CFAP61: variants seen among roughly 807,000 people sequenced by gnomAD.
CFAP61 encodes cilia and flagella associated protein 61.
In CFAP61, 107 loss-of-function variants were observed where a neutral mutation model predicts 135.6. The observed-to-expected ratio is 0.79, with a 90% confidence interval of 0.67 to 0.93. The LOEUF (loss-of-function observed/expected upper bound fraction) is 0.93. CFAP61 is among the 40% of genes least tolerant of loss of function. The pLI is 0.00. For synonymous variants in CFAP61, 575 were observed against 578.5 expected (o/e 0.99, Z 0.09); for missense variants, 1,507 against 1,556.2 (o/e 0.97, Z 0.53).
chr20:20,258,355 T>C (rs1377502139), intron 20 of CFAP61: 3 of 152,154 alleles, frequency 2.0e-5, no homozygotes, highest in African/African-American at 7.2e-5. Context: ...ACTTTTTACC[T>C]GCCGAACATG....
rs201162225 is a variant in CFAP61, at chr20:20,074,829, A to G, written c.372-360A>G. On this transcript the variant is annotated intron_variant, in intron 4 of 26. Transcript: ENST00000245957. ...TGACAGCCTCTGACAGCCTGCACAGACATTTGGGGGTGGTGGTCACAGCTT... is the reference window on the plus strand; with the variant it reads ...TGACAGCCTCTGACAGCCTGCACAGGCATTTGGGGGTGGTGGTCACAGCTT... 2.5e-4 allele frequency among the ~76,000 whole-genome samples: 38 copies of G among 152,272 alleles called. No individual in the cohort carries two copies. In the East Asian group the frequency reaches 6.5e-3, roughly 26 times the overall value.
chr20:20,321,455 C>A (rs2057506944), intron 25 of CFAP61, among the ~76,000 whole-genome samples: 1 of 152,108 alleles, frequency 6.6e-6, no homozygotes, highest in African/African-American at 2.4e-5. Flanking sequence ...ACTCTGGTTG[C>A]AAGAAACAGA....
chr20:20,177,273 C>T (rs1230924225), intron 13 of CFAP61, among the ~76,000 whole-genome samples: 1 of 151,718 alleles, frequency 6.6e-6, no homozygotes, highest in African/African-American at 2.4e-5. Flanking sequence ...TTTTGCATTT[C>T]AAAATTTAGG....
chr20:20,110,702 C>T (rs182372232), intron 8 of CFAP61, among the ~76,000 whole-genome samples: 407 of 152,238 alleles, frequency 2.7e-3, no homozygotes, highest in Admixed American at 5.0e-3. Context: ...TGGCTGTTTC[C>T]TGGAGCGCAG....
intron 8 of CFAP61, among the ~76,000 whole-genome samples, chr20:20,128,319 G>A (rs1373066426): frequency 6.6e-6 from 1 of 151,720 alleles, no homozygotes; most frequent in Admixed American, 6.6e-5. Context: ...TGCCAGGCAG[G>A]AATGGCCTGC....
chr20:20,071,101 T>C (rs761578625), intron 3 of CFAP61, 97 bp downstream of exon 3: 138 of 1,228,612 alleles, frequency 1.1e-4, no homozygotes, highest in Admixed American at 4.2e-4. Flanking sequence ...TACTGAGCAG[T>C]ATATGACATC....
intron 18 of CFAP61, among the ~76,000 whole-genome samples, chr20:20,239,248 G>A (rs1198745571): frequency 6.6e-6 from 1 of 152,156 alleles, no homozygotes; most frequent in Non-Finnish European, 1.5e-5. Context: ...CTCTTACATA[G>A]TTATAGATTT....
chr20:20,228,113 G>T (rs2048872052), intron 17 of CFAP61, 136 bp from the exon 18 acceptor site: 1 of 595,744 alleles, frequency 1.7e-6, no homozygotes, highest in Non-Finnish European at 2.8e-6. Context: ...TTTTATGGTG[G>T]CTGTACATGG....
intron 17 of CFAP61, among the ~76,000 whole-genome samples, chr20:20,207,432 C>T (rs2056906255): frequency 2.0e-5 from 3 of 152,200 alleles, no homozygotes; most frequent in Admixed American, 6.5e-5. Flanking sequence ...ATGAATGCCA[C>T]AGAGGTCCAG....
chr20:20,256,044 C>T (rs2051529185), intron 20 of CFAP61, among the ~76,000 whole-genome samples: 1 of 152,164 alleles, frequency 6.6e-6, no homozygotes, highest in African/African-American at 2.4e-5. Flanking sequence ...TCTCTGCCTC[C>T]CAGGCCCCAC....
chr20:20,357,851 A>ACTGAGGGGAG (rs1569335833), intron 26 of CFAP61, among the ~76,000 whole-genome samples: 1 of 16,516 alleles, frequency 6.1e-5, no homozygotes, highest in Non-Finnish European at 1.4e-4. Flanking sequence ...AGGTGGTCAC[A>ACTGAGGGGAG]GTGTGAGGGG....
chr20:20,338,798 G>A (rs866375951), intron 25 of CFAP61, among the ~76,000 whole-genome samples: 1 of 152,240 alleles, frequency 6.6e-6, no homozygotes, highest in African/African-American at 2.4e-5. Context: ...GTCTGTCGAT[G>A]TAACTGCCTG....
intron 8 of CFAP61, among the ~76,000 whole-genome samples, chr20:20,125,903 G>A (rs1302393442): frequency 2.0e-5 from 3 of 151,886 alleles, no homozygotes; most frequent in South Asian, 4.2e-4. Context: ...CCAGTGTTAA[G>A]TGCATATATG....
chr20:20,081,172 C>T (rs528216498), intron 6 of CFAP61, among the ~76,000 whole-genome samples: 1 of 152,148 alleles, frequency 6.6e-6, no homozygotes, highest in African/African-American at 2.4e-5. Context: ...ATCATCCTAC[C>T]AGATGATTAA....
intron 24 of CFAP61, 87 bp downstream of exon 24, chr20:20,290,478 T>C: frequency 1.1e-6 from 1 of 878,368 alleles, no homozygotes. Flanking sequence ...GAGTCTTTAC[T>C]GTAATGTGTT....
chr20:20,238,061 A>C (rs1356545491), intron 18 of CFAP61, among the ~76,000 whole-genome samples: 3 of 152,280 alleles, frequency 2.0e-5, no homozygotes, highest in Non-Finnish European at 1.5e-5. Flanking sequence ...AAATTAAATT[A>C]ATGGCTCAGG....
At chr20:20,085,046 A>G in intron 6 of CFAP61, 1 of 904,050 alleles carries the variant, frequency 1.1e-6, no homozygotes, top group South Asian at 5.1e-5. Context: ...AGAATGGAAG[A>G]TATAAAGTAA....
intron 26 of CFAP61, among the ~76,000 whole-genome samples, chr20:20,347,949 A>G (rs1466561949): frequency 6.6e-6 from 1 of 151,648 alleles, no homozygotes; most frequent in Non-Finnish European, 1.5e-5. Flanking sequence ...AAAAAAAAAA[A>G]AAAATGAACA....
chr20:20,068,541 T>A (rs780148733), intron 2 of CFAP61, among the ~76,000 whole-genome samples: 13 of 152,156 alleles, frequency 8.5e-5, no homozygotes, highest in Non-Finnish European at 1.5e-4. Flanking sequence ...CAGCCCTGCT[T>A]CATTCCCCTG....
Sources: allele counts gnomAD v4.1 joint callset (sites outside exome capture counted in the v4.1 genomes callset), GRCh38; gene constraint gnomAD v4.1.1; transcripts MANE v1.5; gene names NCBI Gene and HGNC (gene_info 2026-07-23, HGNC 2026-07-21).